Variants in AGBL4 observed in about 807,000 individuals in gnomAD.
The protein encoded by AGBL4 is cytosolic carboxypeptidase 6.
A neutral mutation model predicts 66.4 loss-of-function variants in AGBL4; 58 were observed. The ratio of observed to expected loss-of-function variants is 0.87; its 90% CI spans 0.71 to 1.09. AGBL4 has a LOEUF of 1.09. AGBL4 is among the 50% of genes least tolerant of loss of function. The pLI, the probability that AGBL4 is intolerant of heterozygous loss-of-function variation, is 0.00. For synonymous variants in AGBL4, 234 were observed against 222.9 expected, an observed-to-expected ratio of 1.05 and a Z score of -0.44; for missense variants, 579 against 631.0, an observed-to-expected ratio of 0.92 and a Z score of 0.88.
intron 3 of AGBL4, among the ~76,000 whole-genome samples, chr1:49,373,350 G>A (rs1016677485): frequency 1.3e-5 from 2 of 152,102 alleles, no homozygotes; most frequent in Admixed American, 6.6e-5. Flanking sequence ...TCCATGAGGA[G>A]TAACCCCAAA....
At chr1:49,047,887 G>A (rs1041765820) in intron 4 of AGBL4, among the ~76,000 whole-genome samples, 35 of 152,076 alleles carry the variant, frequency 2.3e-4, no homozygotes, top group African/African-American at 4.3e-4. Context: ...GGTCTGAAGA[G>A]GGAGAGGGAA....
chr1:49,583,054 G>C (rs987407980), intron 3 of AGBL4, among the ~76,000 whole-genome samples: 2 of 152,128 alleles, frequency 1.3e-5, no homozygotes, highest in African/African-American at 4.8e-5. Flanking sequence ...ACACGTGTTA[G>C]GAGTATCTTT....
rs1297019350 is a variant in AGBL4, at chr1:49,573,136, GTGTGTGTGTC to G, written c.282+124167_282+124176del. Among the ~76,000 whole-genome samples, 125 of 141,900 alleles carry G rather than the reference GTGTGTGTGTC, an allele frequency of 8.8e-4. 1 individual carries two copies. Among genetic ancestry groups the G allele is most frequent in the South Asian group, 8.7e-3 (39 of 4,496 alleles). The allele number at this position is 141,900 out of a possible 152,430, so 93.1% of individuals were successfully genotyped here. On this transcript the variant is annotated intron_variant, in intron 3 of 13. Coordinates refer to ENST00000371839, the MANE Select transcript of AGBL4 (RefSeq NM_032785.4). ...CTCATATATATATATGTGTGTCTGT[GTGTGTGTGTC>G]TGTGTGTGTGTGTGTGTGTGTGTGT...
chr1:49,079,598 G>A (rs899075120), intron 4 of AGBL4, among the ~76,000 whole-genome samples: 1 of 152,072 alleles, frequency 6.6e-6, no homozygotes, highest in South Asian at 2.1e-4. Context: ...TGACACATGG[G>A]GATTACAATT....
In AGBL4 at chr1:49,188,011, G is replaced by A. The variant is rs191230073; in HGVS notation, c.377+57759C>T. The stretch of plus-strand genomic sequence containing the variant: ...TGGTTTTAAAAACAGGAGTTTCCCT[G>A]CACATGCTCTCTCTTTATCTGCTGC... On this transcript the variant is annotated intron_variant, in intron 4 of 13. Coordinates refer to ENST00000371839, the MANE Select transcript of AGBL4 (RefSeq NM_032785.4). 1.9e-3 allele frequency among the ~76,000 whole-genome samples: 287 copies of A among 152,194 alleles called. 3 individuals carry two copies. The highest frequency in any genetic ancestry group is 6.7e-3 in the African/African-American group (277 of 41,528).
intron 3 of AGBL4, among the ~76,000 whole-genome samples, chr1:49,465,317 T>C (rs1442118032): frequency 1.3e-5 from 2 of 151,166 alleles, no homozygotes; most frequent in African/African-American, 4.9e-5. Flanking sequence ...TCTTACTGGA[T>C]TCCTATACTT....
At chr1:49,120,829 C>A (rs1569673214) in intron 4 of AGBL4, among the ~76,000 whole-genome samples, 1 of 152,324 alleles carries the variant, frequency 6.6e-6, no homozygotes, top group Non-Finnish European at 1.5e-5. Flanking sequence ...CTCCCCATCA[C>A]TTTCAGGTTC....
chr1:49,825,619 A>G (rs963117248), intron 2 of AGBL4, among the ~76,000 whole-genome samples: 2 of 152,188 alleles, frequency 1.3e-5, no homozygotes, highest in Non-Finnish European at 2.9e-5. Flanking sequence ...ACAGATTTTG[A>G]TTAAAGCAGA....
intron 5 of AGBL4, among the ~76,000 whole-genome samples, chr1:48,991,618 C>T (rs1003374945): frequency 4.6e-5 from 7 of 151,978 alleles, no homozygotes; most frequent in Non-Finnish European, 8.8e-5. Flanking sequence ...TAGAATTGCC[C>T]CCTTTTGAGG....
At chr1:48,672,840 A>C (rs1373636334) in intron 6 of AGBL4, among the ~76,000 whole-genome samples, 1 of 152,228 alleles carries the variant, frequency 6.6e-6, no homozygotes, top group African/African-American at 2.4e-5. Flanking sequence ...AATTGTTATG[A>C]AATTGATGAT....
intron 1 of AGBL4, among the ~76,000 whole-genome samples, chr1:50,006,372 G>A (rs1445103014): frequency 6.6e-5 from 10 of 151,502 alleles, no homozygotes; most frequent in Non-Finnish European, 1.2e-4. Context: ...AGAGAGAGAG[G>A]AGTAGACAGT....
intron 11 of AGBL4, among the ~76,000 whole-genome samples, chr1:48,540,607 C>T (rs1193103424): frequency 6.6e-6 from 1 of 152,146 alleles, no homozygotes; most frequent in Non-Finnish European, 1.5e-5. Context: ...TTGCCCCACA[C>T]TTTCATGACT....
At chr1:49,352,447 T>C (rs1241863558) in intron 3 of AGBL4, among the ~76,000 whole-genome samples, 1 of 142,898 alleles carries the variant, frequency 7.0e-6, no homozygotes, top group Non-Finnish European at 1.5e-5. Flanking sequence ...ACCTCGGCAG[T>C]GGCCCTTCAT....
intron 5 of AGBL4, among the ~76,000 whole-genome samples, chr1:49,012,171 G>T (rs77917790): frequency 6.6e-6 from 1 of 152,014 alleles, no homozygotes; most frequent in Admixed American, 6.6e-5. Flanking sequence ...TGTGGAGGCC[G>T]TTCAGAGTAC....
chr1:48,527,799 C>T, the AGBL4 span, among the ~76,000 whole-genome samples: 2 of 152,014 alleles, frequency 1.3e-5, no homozygotes, highest in Admixed American at 6.6e-5. Flanking sequence ...GCAGGAATAA[C>T]CAGTGGGATT....
intron 6 of AGBL4, among the ~76,000 whole-genome samples, chr1:48,666,178 T>C (rs1202300186): frequency 1.3e-5 from 2 of 152,166 alleles, no homozygotes; most frequent in Admixed American, 1.3e-4. Context: ...TAGCTTTCAT[T>C]TGCAAAATCA....
chr1:48,851,116 A>C (rs1469352621), intron 6 of AGBL4, among the ~76,000 whole-genome samples: 1 of 152,180 alleles, frequency 6.6e-6, no homozygotes, highest in Non-Finnish European at 1.5e-5. Flanking sequence ...CGCCCCCTGC[A>C]GTGGATACCT....
At chr1:49,028,493 C>G (rs780527064) in intron 5 of AGBL4, among the ~76,000 whole-genome samples, 7 of 152,106 alleles carry the variant, frequency 4.6e-5, no homozygotes, top group Non-Finnish European at 8.8e-5. Context: ...GTAGGATAAA[C>G]TCATGGAGAT....
At chr1:49,893,528 A>T (rs1429044376) in intron 1 of AGBL4, among the ~76,000 whole-genome samples, 1 of 152,134 alleles carries the variant, frequency 6.6e-6, no homozygotes, top group Non-Finnish European at 1.5e-5. Context: ...GGCCGCATTC[A>T]CCATAAACAG....
Sources: allele counts gnomAD v4.1 joint callset (sites outside exome capture counted in the v4.1 genomes callset), GRCh38; gene constraint gnomAD v4.1.1; transcripts MANE v1.5; gene names NCBI Gene and HGNC (gene_info 2026-07-23, HGNC 2026-07-21).